The following MLLT3 variants were observed in gnomAD, a reference collection of about 807,000 sequenced individuals.
MLLT3 encodes protein AF-9.
MLLT3 carries 4 observed loss-of-function variants against 53.2 expected under a neutral mutation model. The observed-to-expected ratio is 0.08, with a 90% CI of 0.04 to 0.17. MLLT3 has a LOEUF of 0.17. MLLT3 is among the 10% of genes least tolerant of loss of function. The pLI is 1.00. For synonymous variants in MLLT3, 283 were observed against 230.6 expected, an observed-to-expected ratio of 1.23 and a Z score of -2.06; for missense variants, 569 against 684.0, an observed-to-expected ratio of 0.83 and a Z score of 1.87.
chr9:20,590,393 C>T (rs936542707), intron 2 of MLLT3, among the ~76,000 whole-genome samples: 2 of 152,208 alleles, frequency 1.3e-5, no homozygotes, highest in Non-Finnish European at 1.5e-5. Flanking sequence ...TCTCCACATG[C>T]GGAGGCAGGG....
At chr9:20,490,162 C>T (rs1229156140) in intron 2 of MLLT3, among the ~76,000 whole-genome samples, 6 of 152,126 alleles carry the variant, frequency 3.9e-5, no homozygotes, top group Admixed American at 6.5e-5. Flanking sequence ...CTAAAGCTGC[C>T]CCCCAAAGAT....
intron 5 of MLLT3, among the ~76,000 whole-genome samples, chr9:20,382,029 G>C (rs1232291391): frequency 6.6e-6 from 1 of 151,846 alleles, no homozygotes. Flanking sequence ...TTGTAAATGT[G>C]CTGAAGTCAG....
At chr9:20,599,592 A>G (rs1208427072) in intron 2 of MLLT3, among the ~76,000 whole-genome samples, 1 of 152,196 alleles carries the variant, frequency 6.6e-6, no homozygotes, top group Admixed American at 6.5e-5. Context: ...CCAACCTAAA[A>G]GTAGAGATAT....
intron 2 of MLLT3, among the ~76,000 whole-genome samples, chr9:20,608,643 C>T (rs1050684571): frequency 7.2e-5 from 11 of 151,878 alleles, no homozygotes; most frequent in African/African-American, 2.2e-4. Context: ...AGACTCAAAA[C>T]GACAAGGTGG....
At chr9:20,515,808 C>T (rs929700452) in intron 2 of MLLT3, among the ~76,000 whole-genome samples, 2 of 152,164 alleles carry the variant, frequency 1.3e-5, no homozygotes, top group Admixed American at 6.5e-5. Context: ...CCCCATTGAC[C>T]TTATCCGGAT....
chr9:20,522,892 G>C (rs185785509), intron 2 of MLLT3, among the ~76,000 whole-genome samples: 5 of 152,208 alleles, frequency 3.3e-5, no homozygotes, highest in African/African-American at 1.2e-4. Context: ...GCTAAAGGAA[G>C]TCGAGGCTTC....
At chr9:20,518,371 A>C (rs957968006) in intron 2 of MLLT3, among the ~76,000 whole-genome samples, 7 of 152,134 alleles carry the variant, frequency 4.6e-5, no homozygotes, top group Admixed American at 2.0e-4. Flanking sequence ...AACAAACAAA[A>C]AAAGGCAACT....
intron 2 of MLLT3, among the ~76,000 whole-genome samples, chr9:20,545,856 C>CAAAAAAAAAAA (rs5896901): frequency 1.0e-5 from 1 of 99,854 alleles, no homozygotes; most frequent in Non-Finnish European, 1.9e-5. Flanking sequence ...CAGTCTCTAC[C>CAAAAAAAAAAA]AAAAAAAAAA....
Position 20,619,177 on chromosome 9 carries a change from T to C in MLLT3, c.193+1477A>G, listed in dbSNP as rs567213656. On this transcript the variant is annotated intron_variant, in intron 2 of 10. Coordinates refer to ENST00000380338, the MANE Select transcript of MLLT3 (RefSeq NM_004529.4). ...AGGAAATATGAAATATAATAATCTCTGACTATATTTTAACATAAAATGCTA... is the reference window on the plus strand; with the variant it reads ...AGGAAATATGAAATATAATAATCTCCGACTATATTTTAACATAAAATGCTA... Among the ~76,000 whole-genome samples, 8 of 152,358 alleles carry C rather than the reference T, an allele frequency of 5.3e-5. No individual in the cohort carries two copies. In the East Asian group the frequency reaches 1.2e-3, roughly 22 times the overall value.
At chr9:20,409,963 ACTTGGTATGTT>A (rs1426886449) in intron 5 of MLLT3, among the ~76,000 whole-genome samples, 2 of 152,234 alleles carry the variant, frequency 1.3e-5, no homozygotes, top group African/African-American at 4.8e-5. Flanking sequence ...CCAGTGCAGT[ACTTGGTATGTT>A]CTTGTCCTTT....
At chr9:20,370,269 T>A (rs1821564505) in intron 5 of MLLT3, among the ~76,000 whole-genome samples, 1 of 152,188 alleles carries the variant, frequency 6.6e-6, no homozygotes, top group Non-Finnish European at 1.5e-5. Context: ...GTTATGGTGA[T>A]CTGAGATCAG....
At chr9:20,431,409 T>C (rs1036839120) in intron 4 of MLLT3, among the ~76,000 whole-genome samples, 2 of 152,150 alleles carry the variant, frequency 1.3e-5, no homozygotes, top group African/African-American at 4.8e-5. Flanking sequence ...TACAGCAGTA[T>C]TATTCAAACA....
At chr9:20,499,646 C>T (rs1182788621) in intron 2 of MLLT3, among the ~76,000 whole-genome samples, 2 of 152,332 alleles carry the variant, frequency 1.3e-5, no homozygotes, top group South Asian at 2.1e-4. Flanking sequence ...AGATGCATTC[C>T]TTGCAATACA....
chr9:20,599,602 T>A (rs997976711), intron 2 of MLLT3, among the ~76,000 whole-genome samples: 1 of 152,156 alleles, frequency 6.6e-6, no homozygotes, highest in African/African-American at 2.4e-5. Context: ...AGTAGAGATA[T>A]GACCTAGAAG....
chr9:20,354,239 G>T lies in MLLT3; in HGVS notation c.1503+569C>A, dbSNP rs1821107592. Among the ~76,000 whole-genome samples the T allele has an allele frequency of 3.9e-5, 6 of 152,208 alleles. No homozygotes were observed. The South Asian group carries it at 8.3e-4, about 21-fold the overall frequency. ...GAGCTCCCCTGAAAGGGGAGAGGGG[G>T]TACCTCTCTTTCCATATGCTCAGAC... On this transcript the variant is annotated intron_variant, in intron 9 of 10. Transcript: ENST00000380338.
intron 2 of MLLT3, among the ~76,000 whole-genome samples, chr9:20,536,795 A>G (rs1818498973): frequency 6.6e-6 from 1 of 151,286 alleles, no homozygotes; most frequent in Non-Finnish European, 1.5e-5. Flanking sequence ...AGCCAAGACT[A>G]TTTTTTCTCC....
chr9:20,588,451 A>G (rs1820037888), intron 2 of MLLT3, among the ~76,000 whole-genome samples: 2 of 151,980 alleles, frequency 1.3e-5, no homozygotes, highest in Non-Finnish European at 2.9e-5. Context: ...CATTTTCACG[A>G]TATTGATTCT....
In MLLT3 at chr9:20,413,772, A is replaced by G; in HGVS notation, c.1074T>C (p.Ile358=). The change falls in exon 5 of 11, where the codon ATT becomes ATC. Residue 358 remains isoleucine (I), a synonymous_variant. Coordinates refer to ENST00000380338, the MANE Select transcript of MLLT3 (RefSeq NM_004529.4). ...CCACATCTGAATCATTGGGATCCAC[A>G]ATATCATCAAATGGCGGTAACGTTG... is the stretch of plus-strand genomic sequence containing the variant. The part of the protein sequence containing the change: ...KKSTLPPFDD[I]VDPNDSDVEE... 1 of 1,613,494 alleles carries G rather than the reference A, an allele frequency of 6.2e-7. No homozygotes were observed. Among genetic ancestry groups the G allele is most frequent in the Non-Finnish European group, 8.5e-7 (1 of 1,179,776 alleles).
intron 2 of MLLT3, among the ~76,000 whole-genome samples, chr9:20,501,757 C>CA (rs936828819): frequency 0.047 from 879 of 18,538 alleles, 132 homozygotes; most frequent in African/African-American, 0.07. Flanking sequence ...GACTCCGTCT[C>CA]AAAAAAAAAA....
Sources: allele counts gnomAD v4.1 joint callset (sites outside exome capture counted in the v4.1 genomes callset), GRCh38; gene constraint gnomAD v4.1.1; transcripts MANE v1.5; gene names NCBI Gene and HGNC (gene_info 2026-07-23, HGNC 2026-07-21).